NBEAL1: variants seen among roughly 807,000 people sequenced by gnomAD.
The protein encoded by NBEAL1 is neurobeachin like 1.
In NBEAL1, 273 loss-of-function variants were observed where a neutral mutation model predicts 351.3. That is an observed-to-expected ratio of 0.78 (90% CI 0.70 to 0.86). The LOEUF is 0.86. NBEAL1 is among the 40% of genes least tolerant of loss of function. NBEAL1 has a pLI of 0.00. For missense variants in NBEAL1, 2,961 were observed against 3,201.3 expected, an observed-to-expected ratio of 0.92 and a Z score of 1.81; for synonymous variants, 1,050 against 1,086.4, an observed-to-expected ratio of 0.97 and a Z score of 0.66.
At chr2:203,152,987 G>A (rs183735397) in intron 35 of NBEAL1, among the ~76,000 whole-genome samples, 178 of 152,156 alleles carry the variant, frequency 1.2e-3, no homozygotes, top group African/African-American at 4.2e-3. Context: ...GCAGTGAGCT[G>A]ATATCGCGTC....
At position 203,209,237 on chromosome 2, in the gene NBEAL1, T is replaced by C; in HGVS notation, c.7700T>C (p.Leu2567Pro). Reference sequence around the variant, plus strand: ...TTACGACCACCTTGTGAGAGTTCTCTGTTCCTGACCATTCCTAATTTGGCT... The same window carrying C: ...TTACGACCACCTTGTGAGAGTTCTCCGTTCCTGACCATTCCTAATTTGGCT... ...RTLRPPCESS[L>P]FLTIPNLAIS... The change falls in exon 53 of 56, where the codon CTG becomes CCG. Residue 2567 changes from leucine to proline, a missense_variant. Coordinates refer to ENST00000683969, the MANE Select transcript of NBEAL1 (RefSeq NM_001378026.1). The C allele has an allele frequency of 6.2e-7, 1 of 1,613,830 alleles. No individual in the cohort carries two copies. The highest frequency in any genetic ancestry group is 8.5e-7 in the Non-Finnish European group (1 of 1,179,710).
chr2:203,194,933 C>T (rs2065195782), intron 47 of NBEAL1, among the ~76,000 whole-genome samples: 1 of 152,152 alleles, frequency 6.6e-6, no homozygotes, highest in Non-Finnish European at 1.5e-5. Context: ...CGCAGTGGCT[C>T]ACGCCTGTAA....
chr2:203,050,129 A>G, intron 4 of NBEAL1, 154 bp downstream of exon 4: 1 of 628,672 alleles, frequency 1.6e-6, no homozygotes. Flanking sequence ...CCTAATGTAG[A>G]TGATGGGTTG....
In NBEAL1 at chr2:203,138,255, G is replaced by A. The variant is rs183146311; in HGVS notation, c.4659G>A (p.Leu1553=). Reference sequence around the variant, plus strand: ...CTGAAAACGCCTTCCGACTAGTGCTGATCATACAGGACTTTCTTCAGTCAG... The same window carrying A: ...CTGAAAACGCCTTCCGACTAGTGCTAATCATACAGGACTTTCTTCAGTCAG... The part of the protein sequence containing the change: ...VTAENAFRLV[L]IIQDFLQSEG... The change falls in exon 30 of 56, where the codon CTG becomes CTA. Residue 1553 remains leucine, a synonymous_variant. Transcript: ENST00000683969. The A allele has an allele frequency of 6.7e-4, 1,075 of 1,614,092 alleles. 1 individual carries two copies. Among genetic ancestry groups the A allele is most frequent in the Non-Finnish European group, 8.3e-4 (979 of 1,179,958 alleles).
intron 10 of NBEAL1, among the ~76,000 whole-genome samples, chr2:203,095,317 G>A (rs570511689): frequency 2.0e-5 from 3 of 151,658 alleles, no homozygotes; most frequent in East Asian, 1.9e-4. Context: ...TTTTTGAGGC[G>A]AAGTTTTGCT....
intron 10 of NBEAL1, among the ~76,000 whole-genome samples, chr2:203,095,650 A>G (rs1456740900): frequency 3.3e-5 from 5 of 151,994 alleles, no homozygotes; most frequent in Non-Finnish European, 5.9e-5. Flanking sequence ...GAAAGATTTT[A>G]CTCATTTTTA....
intron 18 of NBEAL1, among the ~76,000 whole-genome samples, chr2:203,119,316 A>G (rs888920586): frequency 6.6e-6 from 1 of 151,486 alleles, no homozygotes; most frequent in Non-Finnish European, 1.5e-5. Flanking sequence ...ACAAGGTCTC[A>G]CTATGTTGCC....
intron 21 of NBEAL1, 50 bp from the exon 22 acceptor site, chr2:203,126,507 G>A: frequency 8.0e-7 from 1 of 1,253,878 alleles, no homozygotes; most frequent in Non-Finnish European, 1.0e-6. Flanking sequence ...ATAACTTAAT[G>A]ACAGTTATTT....
chr2:203,127,296 A>G (rs756284009), intron 23 of NBEAL1, among the ~76,000 whole-genome samples: 5 of 152,232 alleles, frequency 3.3e-5, no homozygotes, highest in Admixed American at 1.3e-4. Context: ...CACATAAGCT[A>G]TTTTATTCAC....
At chr2:203,160,913 C>T (rs1428621361) in intron 36 of NBEAL1, among the ~76,000 whole-genome samples, 3 of 152,288 alleles carry the variant, frequency 2.0e-5, no homozygotes, top group East Asian at 3.9e-4. Flanking sequence ...CCCGATCCAG[C>T]TGAGTGCTAT....
At chr2:203,115,536 A>T (rs1160480936) in intron 17 of NBEAL1, among the ~76,000 whole-genome samples, 1 of 152,056 alleles carries the variant, frequency 6.6e-6, no homozygotes, top group Non-Finnish European at 1.5e-5. Context: ...CCCAGGCTTG[A>T]GTGATCTCTC....
At chr2:203,066,782 G>A (rs1232177037) in intron 6 of NBEAL1, among the ~76,000 whole-genome samples, 32 of 150,766 alleles carry the variant, frequency 2.1e-4, no homozygotes, top group Non-Finnish European at 3.5e-4. Flanking sequence ...CAGACGGGGC[G>A]GCCGGGCAGA....
At chr2:203,130,555 T>C in intron 25 of NBEAL1, 79 bp downstream of exon 25, 1 of 908,544 alleles carries the variant, frequency 1.1e-6, no homozygotes. Context: ...ATCCATTCTG[T>C]GACTATAAAT....
chr2:203,060,103 A>T (rs890248516), intron 6 of NBEAL1, among the ~76,000 whole-genome samples: 1 of 152,216 alleles, frequency 6.6e-6, no homozygotes, highest in Admixed American at 6.5e-5. Flanking sequence ...TTCTTTATAG[A>T]CAGCAAGACA....
At chr2:203,124,137 G>T (rs1409081896) in intron 19 of NBEAL1, among the ~76,000 whole-genome samples, 1 of 152,132 alleles carries the variant, frequency 6.6e-6, no homozygotes. Context: ...AAGAGTTTGA[G>T]ACCAGCCTGG....
intron 35 of NBEAL1, among the ~76,000 whole-genome samples, chr2:203,156,487 CCTT>C (rs2063802237): frequency 6.6e-6 from 1 of 152,220 alleles, no homozygotes; most frequent in South Asian, 2.1e-4. Context: ...ACCTAGGCTT[CCTT>C]CTTTTCACTT....
At chr2:203,155,198 T>C (rs2063766897) in intron 35 of NBEAL1, among the ~76,000 whole-genome samples, 1 of 147,714 alleles carries the variant, frequency 6.8e-6, no homozygotes, top group Admixed American at 6.8e-5. Context: ...TAGTGAGCCA[T>C]GATTATACCA....
chr2:203,125,210 C>T (rs759441241), intron 19 of NBEAL1, 142 bp from the exon 20 acceptor site: 4 of 520,628 alleles, frequency 7.7e-6, no homozygotes, highest in Non-Finnish European at 1.2e-5. Flanking sequence ...CATCTTCCTA[C>T]ACAAAAATTC....
chr2:203,192,917 G>A (rs2065131890), intron 46 of NBEAL1, among the ~76,000 whole-genome samples: 1 of 146,002 alleles, frequency 6.8e-6, no homozygotes, highest in Admixed American at 6.8e-5. Flanking sequence ...GTATGCAGCA[G>A]TACCTATAAT....
Sources: gnomAD v4.1 joint callset for allele counts (sites outside exome capture counted in the v4.1 genomes callset) on GRCh38, gnomAD v4.1.1 for gene constraint, MANE v1.5 for transcripts, NCBI Gene and HGNC (gene_info 2026-07-23, HGNC 2026-07-21) for gene names.